The following GPC6 variants were observed in gnomAD, a reference collection of about 807,000 sequenced individuals.
GPC6 encodes glypican 6.
In GPC6, 14 loss-of-function variants were observed where a neutral mutation model predicts 55.2. The ratio of observed to expected loss-of-function variants is 0.25; its 90% CI spans 0.17 to 0.40. GPC6 has a LOEUF of 0.40. Among genes scored for constraint, GPC6 ranks in the 10% least tolerant of loss-of-function variants. GPC6 has a pLI of 1.00. For synonymous variants in GPC6, 278 were observed against 259.6 expected (o/e 1.07, Z -0.68); for missense variants, 641 against 708.5 (o/e 0.90, Z 1.08).
At chr13:94,052,595 C>T (rs771109803) in intron 4 of GPC6, among the ~76,000 whole-genome samples, 2 of 152,122 alleles carry the variant, frequency 1.3e-5, no homozygotes, top group African/African-American at 4.8e-5. Flanking sequence ...CTTCTATACT[C>T]CTCTCAATGT....
In GPC6 at chr13:94,119,359, G is replaced by A. The variant is rs144793898; in HGVS notation, c.877+91465G>A. Among the ~76,000 whole-genome samples, 398 of 152,154 alleles carry A rather than the reference G, an allele frequency of 2.6e-3. 2 individuals carry two copies. The highest frequency in any genetic ancestry group is 9.3e-3 in the African/African-American group (388 of 41,530). ...AAGGGAGCCTAGGAGAGCCAAAGGA[G>A]GGGTAGGGGATGTTTGCTCCTTTAA... On this transcript the variant is annotated intron_variant, in intron 4 of 8. Transcript: ENST00000377047.
intron 1 of GPC6, among the ~76,000 whole-genome samples, chr13:93,490,526 T>A (rs1271906242): frequency 1.4e-5 from 2 of 145,492 alleles, no homozygotes; most frequent in Admixed American, 6.8e-5. Flanking sequence ...TTTTTTTTTT[T>A]TTATTATTAT....
chr13:94,046,430 A>AT (rs1371294394), intron 4 of GPC6, among the ~76,000 whole-genome samples: 1 of 152,046 alleles, frequency 6.6e-6, no homozygotes, highest in African/African-American at 2.4e-5. Context: ...TATTGAACTT[A>AT]TTGTGTGGAC....
chr13:94,368,706 A>G (rs1328571061), intron 6 of GPC6, among the ~76,000 whole-genome samples: 2 of 152,174 alleles, frequency 1.3e-5, no homozygotes, highest in Non-Finnish European at 2.9e-5. Context: ...TCTCCTCCAG[A>G]GTGCATGTGT....
chr13:94,381,902 T>C (rs1289296048), intron 6 of GPC6, among the ~76,000 whole-genome samples: 1 of 152,248 alleles, frequency 6.6e-6, no homozygotes, highest in Non-Finnish European at 1.5e-5. Context: ...ACCACCCATG[T>C]GTGTGCTCTA....
In GPC6 at chr13:94,393,823, C is replaced by T. The variant is rs150055878; in HGVS notation, c.1290-4643C>T. ...TACTCCCCCAATATGCAGTGCCTTA[C>T]ATCAAAACAGCTACCAGCATTAACG... On this transcript the variant is annotated intron_variant, in intron 7 of 8. Transcript: ENST00000377047. 3.5e-3 allele frequency among the ~76,000 whole-genome samples: 539 copies of T among 152,284 alleles called. 2 individuals are homozygous for T. Among genetic ancestry groups the T allele is most frequent in the Non-Finnish European group, 5.4e-3 (366 of 68,032 alleles).
chr13:93,675,836 A>G (rs1457591023), intron 2 of GPC6, among the ~76,000 whole-genome samples: 1 of 152,114 alleles, frequency 6.6e-6, no homozygotes, highest in African/African-American at 2.4e-5. Context: ...GGAAAGCTGC[A>G]TCCCATAACT....
At chr13:93,673,503 A>G (rs1881458379) in intron 2 of GPC6, among the ~76,000 whole-genome samples, 1 of 152,102 alleles carries the variant, frequency 6.6e-6, no homozygotes, top group East Asian at 1.9e-4. Flanking sequence ...ACAAGAGTAT[A>G]TATATATGGC....
chr13:94,121,064 T>C (rs949639931), intron 4 of GPC6, among the ~76,000 whole-genome samples: 4 of 152,056 alleles, frequency 2.6e-5, no homozygotes, highest in Non-Finnish European at 5.9e-5. Flanking sequence ...GAAATGAGGC[T>C]AGAAAATGTT....
intron 3 of GPC6, among the ~76,000 whole-genome samples, chr13:93,925,290 T>A (rs1877798309): frequency 1.3e-5 from 2 of 152,196 alleles, no homozygotes; most frequent in Admixed American, 6.5e-5. Flanking sequence ...TTTTTTTTAA[T>A]CCTAGTGTAG....
intron 1 of GPC6, among the ~76,000 whole-genome samples, chr13:93,311,403 G>C (rs1879063316): frequency 6.6e-6 from 1 of 152,086 alleles, no homozygotes. Context: ...ATGTTTTGAA[G>C]GCCCTGGACT....
chr13:93,285,740 T>C (rs188483878), intron 1 of GPC6, among the ~76,000 whole-genome samples: 44 of 151,430 alleles, frequency 2.9e-4, no homozygotes, highest in Admixed American at 1.3e-3. Flanking sequence ...TTAGCAAAAC[T>C]CAGGATAGCT....
At chr13:93,841,413 G>C (rs938443621) in intron 3 of GPC6, among the ~76,000 whole-genome samples, 1 of 152,058 alleles carries the variant, frequency 6.6e-6, no homozygotes, top group Non-Finnish European at 1.5e-5. Context: ...TGCAAGCAAG[G>C]GTTATTCCTT....
intron 1 of GPC6, among the ~76,000 whole-genome samples, chr13:93,380,297 C>G (rs563221456): frequency 6.6e-6 from 1 of 152,032 alleles, no homozygotes; most frequent in Non-Finnish European, 1.5e-5. Flanking sequence ...AATTTTGCAG[C>G]CACTTACTGA....
Position 93,781,336 on chromosome 13 carries a change from A to G in GPC6, c.320-48818A>G, listed in dbSNP as rs929150441. Among the ~76,000 whole-genome samples, 16 of 152,108 alleles carry G rather than the reference A, an allele frequency of 1.1e-4. 1 individual carries two copies. The highest frequency in any genetic ancestry group is 6.3e-3 in the Middle Eastern group (2 of 316). Reference sequence around the variant, plus strand: ...ATACTTTGTCTACTCTTTACTAACAAAAGTCTTTTTCGCAAGCGCCATTTT... The same window carrying G: ...ATACTTTGTCTACTCTTTACTAACAGAAGTCTTTTTCGCAAGCGCCATTTT... On this transcript the variant is annotated intron_variant, in intron 2 of 8. Coordinates refer to ENST00000377047, the MANE Select transcript of GPC6 (RefSeq NM_005708.5).
At chr13:93,411,285 A>G (rs1474887264) in intron 1 of GPC6, among the ~76,000 whole-genome samples, 1 of 152,052 alleles carries the variant, frequency 6.6e-6, no homozygotes, top group African/African-American at 2.4e-5. Flanking sequence ...CATAGCCCAC[A>G]CTGTCAAGCC....
chr13:94,345,077 T>C (rs2139160984), intron 6 of GPC6, among the ~76,000 whole-genome samples: 1 of 152,264 alleles, frequency 6.6e-6, no homozygotes, highest in Admixed American at 6.5e-5. Flanking sequence ...ATAAAACAAG[T>C]CTATTAACTG....
intron 5 of GPC6, among the ~76,000 whole-genome samples, chr13:94,292,296 A>G (rs1216704160): frequency 6.6e-6 from 1 of 152,052 alleles, no homozygotes; most frequent in Non-Finnish European, 1.5e-5. Flanking sequence ...GTGCCCACTG[A>G]GTCAATCTCA....
intron 3 of GPC6, among the ~76,000 whole-genome samples, chr13:93,883,804 T>G (rs566576261): frequency 6.6e-6 from 1 of 152,270 alleles, no homozygotes; most frequent in Non-Finnish European, 1.5e-5. Context: ...TAATATAACT[T>G]GGCTCTCTAT....
Sources: gnomAD v4.1 joint callset for allele counts (sites outside exome capture counted in the v4.1 genomes callset) on GRCh38, gnomAD v4.1.1 for gene constraint, MANE v1.5 for transcripts, NCBI Gene and HGNC (gene_info 2026-07-23, HGNC 2026-07-21) for gene names.